Variants in CBFB observed in about 807,000 individuals in gnomAD.
CBFB encodes core-binding factor subunit beta.
A neutral mutation model predicts 30.4 loss-of-function variants in CBFB; 9 were observed. The observed-to-expected ratio is 0.30, with a 90% CI of 0.18 to 0.52. The LOEUF is 0.52. CBFB is among the 20% of genes least tolerant of loss of function. The pLI, the probability that CBFB is intolerant of heterozygous loss-of-function variation, is 0.97. For synonymous variants in CBFB, 94 were observed against 84.0 expected, an observed-to-expected ratio of 1.12 and a Z score of -0.65; for missense variants, 170 against 244.0, an observed-to-expected ratio of 0.70 and a Z score of 2.02.
intron 3 of CBFB, among the ~76,000 whole-genome samples, chr16:67,062,293 C>T (rs1490884815): frequency 5.3e-5 from 8 of 150,022 alleles, no homozygotes; most frequent in Admixed American, 2.0e-4. Flanking sequence ...CTCAGCCTCC[C>T]GAGTAGCTGG....
At chr16:67,045,915 C>T (rs373607343) in intron 3 of CBFB, among the ~76,000 whole-genome samples, 64 of 151,818 alleles carry the variant, frequency 4.2e-4, no homozygotes, top group African/African-American at 1.4e-3. Context: ...CCTGCCTCAG[C>T]CTCCCAAGTA....
chr16:67,033,894 TCTCGG>T (rs1239797538), intron 2 of CBFB, among the ~76,000 whole-genome samples: 2 of 146,112 alleles, frequency 1.4e-5, no homozygotes, highest in African/African-American at 5.2e-5. Context: ...CGATCTTGGC[TCTCGG>T]CTCACTGCAA....
chr16:67,038,863 TC>T (rs1966487350), intron 3 of CBFB, among the ~76,000 whole-genome samples: 1 of 152,160 alleles, frequency 6.6e-6, no homozygotes, highest in Admixed American at 6.5e-5. Context: ...ACTGAAGTCT[TC>T]CGGTATTTAA....
At chr16:67,036,271 A>G (rs1966438882) in intron 2 of CBFB, among the ~76,000 whole-genome samples, 1 of 152,200 alleles carries the variant, frequency 6.6e-6, no homozygotes, top group South Asian at 2.1e-4. Flanking sequence ...TTAAAATTCA[A>G]AATCTTTAGA....
intron 2 of CBFB, among the ~76,000 whole-genome samples, chr16:67,034,079 T>C (rs1966403245): frequency 6.6e-6 from 1 of 152,208 alleles, no homozygotes; most frequent in Non-Finnish European, 1.5e-5. Context: ...CTGCCTGTGT[T>C]GGCCTCCCAA....
chr16:67,083,007 T>C (rs914515337), intron 5 of CBFB, among the ~76,000 whole-genome samples: 1 of 152,192 alleles, frequency 6.6e-6, no homozygotes, highest in Non-Finnish European at 1.5e-5. Context: ...TGAGCAACTC[T>C]GTCTCTACAA....
chr16:67,040,556 C>T (rs1427299113), intron 3 of CBFB, among the ~76,000 whole-genome samples: 3 of 152,150 alleles, frequency 2.0e-5, no homozygotes, highest in Non-Finnish European at 2.9e-5. Flanking sequence ...GTTTTGACCA[C>T]TACTGTACCT....
At chr16:67,035,422 A>G (rs1379494717) in intron 2 of CBFB, among the ~76,000 whole-genome samples, 1 of 152,162 alleles carries the variant, frequency 6.6e-6, no homozygotes, top group Non-Finnish European at 1.5e-5. Flanking sequence ...TATTGATGTT[A>G]GTTCAGTTTC....
intron 3 of CBFB, among the ~76,000 whole-genome samples, chr16:67,057,435 C>A (rs1481452301): frequency 2.6e-5 from 4 of 152,008 alleles, no homozygotes; most frequent in African/African-American, 7.3e-5. Flanking sequence ...TTTTTTACAT[C>A]TTTGATTAAG....
At chr16:67,066,853 T>C in intron 4 of CBFB, 55 bp downstream of exon 4, 1 of 1,016,054 alleles carries the variant, frequency 9.8e-7, no homozygotes, top group Non-Finnish European at 1.5e-6. Context: ...TAATCTTGCC[T>C]TTGCCTGGGG....
chr16:67,088,060 C>T (rs1370739975), intron 5 of CBFB, among the ~76,000 whole-genome samples: 2 of 152,094 alleles, frequency 1.3e-5, no homozygotes, highest in Non-Finnish European at 2.9e-5. Flanking sequence ...ATATTTTCAT[C>T]AATGATTTAA....
intron 5 of CBFB, among the ~76,000 whole-genome samples, chr16:67,089,289 T>G (rs962563897): frequency 2.6e-5 from 4 of 152,178 alleles, no homozygotes; most frequent in Non-Finnish European, 4.4e-5. Flanking sequence ...TTTCCTACTC[T>G]GTGGGTAATT....
intron 4 of CBFB, among the ~76,000 whole-genome samples, chr16:67,068,196 C>T (rs943721546): frequency 5.3e-5 from 8 of 152,174 alleles, no homozygotes; most frequent in African/African-American, 1.7e-4. Context: ...TTAAAAAAGA[C>T]AGCTGTGCGC....
intron 4 of CBFB, among the ~76,000 whole-genome samples, chr16:67,073,406 A>G (rs980340278): frequency 6.6e-6 from 1 of 152,296 alleles, no homozygotes; most frequent in East Asian, 1.9e-4. Context: ...AATCATTTCC[A>G]GTTAAAAATG....
chr16:67,033,867 G>GC (rs577834945), intron 2 of CBFB, among the ~76,000 whole-genome samples: 44 of 144,966 alleles, frequency 3.0e-4, no homozygotes, highest in African/African-American at 1.1e-3. Flanking sequence ...TGTCGGCTAG[G>GC]CTGGAGTGCA....
At chr16:67,063,926 T>C (rs992893474) in intron 3 of CBFB, among the ~76,000 whole-genome samples, 1 of 152,202 alleles carries the variant, frequency 6.6e-6, no homozygotes, top group Non-Finnish European at 1.5e-5. Flanking sequence ...AATGAGAAAC[T>C]GTTTTACAGA....
At chr16:67,035,621 C>G (rs1966430175) in intron 2 of CBFB, among the ~76,000 whole-genome samples, 1 of 152,140 alleles carries the variant, frequency 6.6e-6, no homozygotes, top group South Asian at 2.1e-4. Flanking sequence ...TATTGGATAG[C>G]TAACTTGGTT....
chr16:67,075,220 T>TAC (rs1172911163), intron 4 of CBFB, among the ~76,000 whole-genome samples: 8,708 of 151,604 alleles, frequency 0.057, 766 homozygotes, highest in African/African-American at 0.19. Context: ...TGTGTGTGTG[T>TAC]GTGTGTGTGT....
intron 3 of CBFB, among the ~76,000 whole-genome samples, chr16:67,048,635 C>G (rs1966674004): frequency 6.6e-6 from 1 of 152,038 alleles, no homozygotes; most frequent in African/African-American, 2.4e-5. Flanking sequence ...ACTGCAAGCT[C>G]TGCCTCCCGG....
Sources: gnomAD v4.1 joint callset for allele counts (sites outside exome capture counted in the v4.1 genomes callset) on GRCh38, gnomAD v4.1.1 for gene constraint, MANE v1.5 for transcripts, NCBI Gene and HGNC (gene_info 2026-07-23, HGNC 2026-07-21) for gene names.